Variants in RETREG2 observed in about 807,000 individuals in gnomAD.
The protein encoded by RETREG2 is reticulophagy regulator family member 2.
Under a neutral mutation model 51.6 loss-of-function variants are expected in RETREG2, and 21 were observed. The observed-to-expected ratio is 0.41, with a 90% confidence interval of 0.29 to 0.59. The LOEUF is 0.59. Among genes scored for constraint, RETREG2 ranks in the 20% least tolerant of loss-of-function variants. The probability of loss-of-function intolerance (pLI) is 0.34; values close to 1 mark genes in which losing one functional copy is unlikely to be tolerated. For missense variants in RETREG2, 674 were observed against 646.0 expected (o/e 1.04, Z -0.47); for synonymous variants, 339 against 288.6 (o/e 1.17, Z -1.77).
intron 8 of RETREG2, 51 bp downstream of exon 8, chr2:219,181,826 C>T: frequency 6.2e-7 from 1 of 1,602,272 alleles, no homozygotes; most frequent in Non-Finnish European, 8.5e-7. Context: ...TTTGTGTTCC[C>T]TACCATGGGT....
intron 4 of RETREG2, 97 bp from the exon 5 acceptor site, chr2:219,180,573 T>C (rs1298198672): frequency 1.3e-6 from 2 of 1,597,288 alleles, no homozygotes; most frequent in African/African-American, 2.7e-5. Context: ...CTTGAGTACA[T>C]ACCCATCCTT....
chr2:219,179,438 G>A (rs983810750), intron 2 of RETREG2, among the ~76,000 whole-genome samples: 1 of 152,202 alleles, frequency 6.6e-6, no homozygotes, highest in African/African-American at 2.4e-5. Flanking sequence ...TCACATATAA[G>A]CCTTATAAAT....
chr2:219,180,723 T>C lies in RETREG2; in HGVS notation c.609T>C (p.Tyr203=). The change falls in exon 5 of 9, where the codon TAT becomes TAC. Residue 203 remains tyrosine (Y), a synonymous_variant. Transcript: ENST00000430297. The stretch of plus-strand genomic sequence containing the variant: ...CTGTGTTGGCTGTGTTGGGACACTA[T>C]GTTCCAGGGATTATGATTTCCTACA... The part of the protein sequence containing the change: ...GCAVLAVLGH[Y]VPGIMISYIV... 1 of 1,614,130 alleles carries C rather than the reference T, an allele frequency of 6.2e-7. No homozygotes were observed.
At position 219,182,539 on chromosome 2, in the gene RETREG2, G is replaced by A. The variant is rs774389823; in HGVS notation, c.1542G>A (p.Pro514=). ...NAELGLEPET[P]PKPPDAPPLG... is the part of the protein sequence containing the mutation. ...AGCTGGGCTTGGAGCCAGAGACACC[G>A]CCAAAACCCCCTGATGCTCCACCCC... The change falls in exon 9 of 9, where the codon CCG becomes CCA. Residue 514 remains proline, a synonymous_variant. Transcript: ENST00000430297. 69 of 1,614,022 alleles carry A rather than the reference G, an allele frequency of 4.3e-5. No individual in the cohort carries two copies. The Admixed American group carries it at 8.8e-4, about 21-fold the overall frequency.
In RETREG2 at chr2:219,180,031, C is replaced by T. The variant is rs531828410; in HGVS notation, c.420-79C>T. The T allele has an allele frequency of 6.4e-5, 100 of 1,562,056 alleles. No homozygotes were observed. In the African/African-American group the frequency reaches 1.2e-3, roughly 18 times the overall value. ...ATTTGCTTTTTTAGACTAAAGATAT[C>T]TTTGGCATTCTCAGAGGGATTTAAG... On this transcript the variant is annotated intron_variant, in intron 3 of 8. Coordinates refer to ENST00000430297, the MANE Select transcript of RETREG2 (RefSeq NM_024293.6).
chr2:219,178,746 G>T, intron 1 of RETREG2, 113 bp downstream of exon 1: 1 of 1,281,544 alleles, frequency 7.8e-7, no homozygotes, highest in East Asian at 2.6e-5. Flanking sequence ...CCCATCCCCA[G>T]TTTTTGCAGG....
Position 219,178,326 on chromosome 2 carries a change from G to C in RETREG2, c.-27G>C. On this transcript the variant is annotated 5_prime_UTR_variant, in exon 1 of 9. Coordinates refer to ENST00000430297, the MANE Select transcript of RETREG2 (RefSeq NM_024293.6). ...GGCCGCGCAGCCCTGGCTCCTCGCG[G>C]GCTCGGGCGGCGGCTGCGGCGGGGC... is the stretch of plus-strand genomic sequence containing the variant. The C allele has an allele frequency of 5.0e-6, 2 of 399,448 alleles. No individual in the cohort carries two copies. Among genetic ancestry groups the C allele is most frequent in the Non-Finnish European group, 8.8e-6 (2 of 226,434 alleles). The allele number at this position is 399,448 out of a possible 1,614,324, so 24.7% of individuals were successfully genotyped here.
At chr2:219,179,256 G>A (rs774910564) in intron 2 of RETREG2, among the ~76,000 whole-genome samples, 61 of 152,200 alleles carry the variant, frequency 4.0e-4, no homozygotes, top group Non-Finnish European at 2.9e-5. Context: ...CATATTACCT[G>A]GGTTCCATTC....
chr2:219,180,141 C>G lies in RETREG2; in HGVS notation c.451C>G (p.Leu151Val). ...EGAGSGARPH[L>V]LSVPELCRYL... ...TGCGGGGTCAGGCGCCCGGCCGCACCTGCTGAGTGTGCCCGAGTTGTGCAG... is the reference window on the plus strand; with the variant it reads ...TGCGGGGTCAGGCGCCCGGCCGCACGTGCTGAGTGTGCCCGAGTTGTGCAG... The change falls in exon 4 of 9, where the codon CTG becomes GTG. Residue 151 changes from leucine to valine, a missense_variant. Physicochemically the swap from Leu to Val is conservative, Grantham distance 32. Transcript: ENST00000430297. 6.2e-7 allele frequency: 1 copy of G among 1,614,138 alleles called. No homozygotes were observed. The highest frequency in any genetic ancestry group is 8.5e-7 in the Non-Finnish European group (1 of 1,180,012).
rs546568872 is a variant in RETREG2, at chr2:219,182,572, C to T, written c.1575C>T (p.Pro525=). 10 of 1,614,160 alleles carry T rather than the reference C, an allele frequency of 6.2e-6. No individual in the cohort carries two copies. Among genetic ancestry groups the T allele is most frequent in the East Asian group, 2.2e-5 (1 of 44,888 alleles). The stretch of plus-strand genomic sequence containing the variant: ...CCCCTGATGCTCCACCCCTGGGGCC[C>T]GACATCCATTCTCTGGTACAGTCAG... ...PKPPDAPPLG[P]DIHSLVQSDQ... The change falls in exon 9 of 9, where the codon CCC becomes CCT. Residue 525 remains proline, a synonymous_variant. Coordinates refer to ENST00000430297, the MANE Select transcript of RETREG2 (RefSeq NM_024293.6).
rs150456518 is a variant in RETREG2, at chr2:219,183,088, C to T, written c.*459C>T. 201 of 187,270 alleles carry T rather than the reference C, an allele frequency of 1.1e-3. No homozygotes were observed. The highest frequency in any genetic ancestry group is 4.5e-3 in the African/African-American group (193 of 43,058). 11.6% of individuals were successfully genotyped at this position (187,270 alleles called of 1,614,324 possible). A position where few individuals can be genotyped will look rare whatever the true frequency, so the allele number is the denominator to read the frequency against. The stretch of plus-strand genomic sequence containing the variant: ...TGTTCCTTTCTGCTTTATTTCCCTG[C>T]TGTGTCCTGTCCTTAGCAGCTCAAC... On this transcript the variant is annotated 3_prime_UTR_variant, in exon 9 of 9. Coordinates refer to ENST00000430297, the MANE Select transcript of RETREG2 (RefSeq NM_024293.6).
chr2:219,178,834 C>G (rs1162745487), intron 1 of RETREG2, 88 bp from the exon 2 acceptor site: 2 of 1,120,746 alleles, frequency 1.8e-6, no homozygotes, highest in Admixed American at 2.1e-5. Context: ...GTGCCATTAC[C>G]CCATCAGTAG....
At position 219,182,026 on chromosome 2, in the gene RETREG2, G is replaced by A. The variant is rs1290617724; in HGVS notation, c.1029G>A (p.Gln343=). ...LTDVSEDLDQ[Q]SLPSEPEETL... Reference sequence around the variant, plus strand: ...TTCTCTGCACAGATTTGGACCAGCAGAGCCTGCCAAGTGAACCAGAGGAGA... The same window carrying A: ...TTCTCTGCACAGATTTGGACCAGCAAAGCCTGCCAAGTGAACCAGAGGAGA... The change falls in exon 9 of 9, where the codon CAG becomes CAA. Residue 343 remains glutamine (Q), a synonymous_variant. Transcript: ENST00000430297. 6 of 1,613,756 alleles carry A rather than the reference G, an allele frequency of 3.7e-6. No individual in the cohort carries two copies. The highest frequency in any genetic ancestry group is 1.3e-5 in the African/African-American group (1 of 74,912).
chr2:219,184,713 T>C lies in RETREG2; in HGVS notation c.*2084T>C, dbSNP rs1299519079. The C allele has an allele frequency of 6.6e-6, 1 of 152,188 alleles. No individual in the cohort carries two copies. The highest frequency in any genetic ancestry group is 1.5e-5 in the Non-Finnish European group (1 of 68,032). The allele number at this position is 152,188 out of a possible 1,614,324, so 9.4% of individuals were successfully genotyped here. ...TCTATTTTCTTATTAAGCTTGGACA[T>C]TGACAATAGAACCAGAAGCTTGTAG... is the stretch of plus-strand genomic sequence containing the variant. On this transcript the variant is annotated 3_prime_UTR_variant, in exon 9 of 9. Coordinates refer to ENST00000430297, the MANE Select transcript of RETREG2 (RefSeq NM_024293.6).
At chr2:219,181,852 T>A (rs1950284146) in intron 8 of RETREG2, 77 bp downstream of exon 8, 1 of 1,577,944 alleles carries the variant, frequency 6.3e-7, no homozygotes, top group African/African-American at 1.4e-5. Context: ...CTGTGCTCTC[T>A]GGCCCACTCA....
intron 2 of RETREG2, among the ~76,000 whole-genome samples, chr2:219,179,382 G>A (rs762299686): frequency 2.0e-5 from 3 of 152,202 alleles, no homozygotes; most frequent in Non-Finnish European, 4.4e-5. Flanking sequence ...GAGAGGTGAG[G>A]AGAGGATTAA....
intron 4 of RETREG2, 33 bp from the exon 5 acceptor site, chr2:219,180,637 G>A (rs377574480): frequency 3.5e-5 from 57 of 1,613,940 alleles, no homozygotes; most frequent in African/African-American, 2.7e-4. Flanking sequence ...ATATCTCAGC[G>A]TGATGTTCTT....
rs539070787 is a variant in RETREG2, at chr2:219,179,808, C to T, written c.419+45C>T. 2.5e-6 allele frequency: 4 copies of T among 1,593,800 alleles called. No homozygotes were observed. In the East Asian group the frequency reaches 6.7e-5, roughly 27 times the overall value. ...TGAAGACAAATGCCCACATCCTGTC[C>T]TGCTTGCTGGTGCCAGTGTCACCAT... On this transcript the variant is annotated intron_variant, in intron 3 of 8. Coordinates refer to ENST00000430297, the MANE Select transcript of RETREG2 (RefSeq NM_024293.6).
chr2:219,178,651 G>A lies in RETREG2; in HGVS notation c.281+18G>A. 7.0e-7 allele frequency: 1 copy of A among 1,437,702 alleles called. No individual in the cohort carries two copies. Among genetic ancestry groups the A allele is most frequent in the Non-Finnish European group, 9.0e-7 (1 of 1,106,994 alleles). The allele number at this position is 1,437,702 out of a possible 1,614,324, so 89.1% of individuals were successfully genotyped here. ...CTCTTCTGGTAACGGCCGCGGAGGA[G>A]GGGGCGGGGCCGGGATGAGCGGGGG... On this transcript the variant is annotated intron_variant, in intron 1 of 8. Coordinates refer to ENST00000430297, the MANE Select transcript of RETREG2 (RefSeq NM_024293.6).
Sources: allele counts gnomAD v4.1 joint callset (sites outside exome capture counted in the v4.1 genomes callset), GRCh38; gene constraint gnomAD v4.1.1; transcripts MANE v1.5; gene names NCBI Gene and HGNC (gene_info 2026-07-23, HGNC 2026-07-21).